Variants in ZNF892 observed in about 807,000 individuals in gnomAD.
The protein encoded by ZNF892 is zinc finger protein 570-like.
the ZNF892 span, among the ~76,000 whole-genome samples, chr2:95,261,440 A>G: frequency 6.6e-6 from 1 of 151,704 alleles, no homozygotes; most frequent in African/African-American, 2.4e-5. Context: ...GATTACAGGC[A>G]CCCGCCACCA....
the ZNF892 span, among the ~76,000 whole-genome samples, chr2:95,210,195 A>G: frequency 6.8e-6 from 1 of 146,914 alleles, no homozygotes; most frequent in Non-Finnish European, 1.5e-5. Flanking sequence ...GTATATGTGT[A>G]TATATGTATA....
At chr2:95,217,138 A>G in the ZNF892 span, among the ~76,000 whole-genome samples, 2 of 152,310 alleles carry the variant, frequency 1.3e-5, no homozygotes, top group East Asian at 1.9e-4. Context: ...TCTGTAGTGC[A>G]TGCAGATGGG....
At chr2:95,254,542 C>CT in the ZNF892 span, among the ~76,000 whole-genome samples, 1 of 152,070 alleles carries the variant, frequency 6.6e-6, no homozygotes, top group African/African-American at 2.4e-5. Context: ...CTAAAATTCT[C>CT]TTTTTTTGTT....
chr2:95,207,498 C>T, the ZNF892 span: 3 of 272,804 alleles, frequency 1.1e-5, no homozygotes, highest in East Asian at 1.9e-4. Flanking sequence ...CAGCCGCGCC[C>T]CGCGGAGGAT....
chr2:95,249,855 T>C, the ZNF892 span, among the ~76,000 whole-genome samples: 1 of 152,314 alleles, frequency 6.6e-6, no homozygotes, highest in Non-Finnish European at 1.5e-5. Context: ...ATGATCTAGA[T>C]AGTCAATGAA....
the ZNF892 span, among the ~76,000 whole-genome samples, chr2:95,253,319 A>G: frequency 1.3e-5 from 2 of 152,206 alleles, no homozygotes; most frequent in African/African-American, 4.8e-5. Context: ...CAGTTTTTCC[A>G]GCACCATTTA....
At chr2:95,235,872 A>G in the ZNF892 span, among the ~76,000 whole-genome samples, 1 of 152,216 alleles carries the variant, frequency 6.6e-6, no homozygotes, top group Non-Finnish European at 1.5e-5. Flanking sequence ...CCAGTTCAAA[A>G]GAGGAAGAAG....
the ZNF892 span, among the ~76,000 whole-genome samples, chr2:95,213,514 G>A: frequency 0.024 from 3,677 of 152,246 alleles, 61 homozygotes; most frequent in East Asian, 0.053. Flanking sequence ...TATCTTGAGA[G>A]GTTGGGGACT....
chr2:95,236,712 A>G, the ZNF892 span, among the ~76,000 whole-genome samples: 1 of 152,244 alleles, frequency 6.6e-6, no homozygotes, highest in Admixed American at 6.5e-5. Context: ...GCATCAGAGT[A>G]TAACAACTGT....
At chr2:95,240,897 CT>C in the ZNF892 span, among the ~76,000 whole-genome samples, 1 of 152,210 alleles carries the variant, frequency 6.6e-6, no homozygotes, top group Non-Finnish European at 1.5e-5. Context: ...CATGGCCAGA[CT>C]GTTTTAAGCA....
chr2:95,250,793 A>G, the ZNF892 span, among the ~76,000 whole-genome samples: 667 of 145,652 alleles, frequency 4.6e-3, 12 homozygotes, highest in Non-Finnish European at 3.1e-3. Flanking sequence ...TTATAAATAT[A>G]AAATATTCAT....
At chr2:95,234,090 C>T in the ZNF892 span, among the ~76,000 whole-genome samples, 15 of 152,256 alleles carry the variant, frequency 9.9e-5, no homozygotes, top group South Asian at 2.1e-4. Context: ...GGCGCGATCT[C>T]GGCTCACTGC....
the ZNF892 span, among the ~76,000 whole-genome samples, chr2:95,245,167 A>G: frequency 3.3e-5 from 5 of 152,164 alleles, no homozygotes; most frequent in Non-Finnish European, 7.3e-5. Flanking sequence ...AGAAGACAAG[A>G]AATAACCAAG....
chr2:95,241,596 A>C, the ZNF892 span, among the ~76,000 whole-genome samples: 3 of 152,132 alleles, frequency 2.0e-5, no homozygotes, highest in African/African-American at 7.2e-5. Context: ...GTCTCCTCCA[A>C]ATGACCACAA....
the ZNF892 span, among the ~76,000 whole-genome samples, chr2:95,210,111 GTA>G: frequency 6.5e-4 from 98 of 149,734 alleles, no homozygotes; most frequent in South Asian, 9.9e-3. Flanking sequence ...GTATATGTGT[GTA>G]TATATGTGTG....
chr2:95,215,960 T>G, the ZNF892 span, among the ~76,000 whole-genome samples: 1 of 152,304 alleles, frequency 6.6e-6, no homozygotes, highest in East Asian at 1.9e-4. Flanking sequence ...AAGAGATAAG[T>G]TATCCTTTTA....
chr2:95,258,162 C>T, the ZNF892 span, among the ~76,000 whole-genome samples: 166 of 152,314 alleles, frequency 1.1e-3, no homozygotes, highest in Non-Finnish European at 1.6e-3. Flanking sequence ...GCGTCGCTCA[C>T]GCTGGGAGCT....
chr2:95,219,772 G>A, the ZNF892 span, among the ~76,000 whole-genome samples: 2 of 152,170 alleles, frequency 1.3e-5, no homozygotes, highest in Non-Finnish European at 2.9e-5. Context: ...ATTACTTTAA[G>A]TTGGTGTTGG....
the ZNF892 span, among the ~76,000 whole-genome samples, chr2:95,232,986 T>TA: frequency 6.6e-6 from 1 of 152,118 alleles, no homozygotes; most frequent in East Asian, 1.9e-4. Flanking sequence ...GCTCCCTAGT[T>TA]AGTTTGCCTC....
Sources: gnomAD v4.1 joint callset for allele counts (sites outside exome capture counted in the v4.1 genomes callset) on GRCh38, gnomAD v4.1.1 for gene constraint, MANE v1.5 for transcripts, NCBI Gene and HGNC (gene_info 2026-07-23, HGNC 2026-07-21) for gene names.